Variants in USH2A observed in about 807,000 individuals in gnomAD.
USH2A encodes Usher syndrome 2A (autosomal recessive, mild).
Under a neutral mutation model 538.9 loss-of-function variants are expected in USH2A, and 443 were observed. That is an observed-to-expected ratio of 0.82 (90% CI 0.76 to 0.89). USH2A has a LOEUF of 0.89. USH2A is among the 40% of genes least tolerant of loss of function. The pLI, the probability that USH2A is intolerant of heterozygous loss-of-function variation, is 0.00. For missense variants in USH2A, 6,633 were observed against 6,324.8 expected, an observed-to-expected ratio of 1.05 and a Z score of -1.65; for synonymous variants, 2,413 against 2,273.5, an observed-to-expected ratio of 1.06 and a Z score of -1.75.
chr1:216,207,390 A>C lies in USH2A; in HGVS notation c.3199T>G (p.Ser1067Ala), dbSNP rs751942297. 6.2e-7 allele frequency: 1 copy of C among 1,614,042 alleles called. No individual in the cohort carries two copies. Among genetic ancestry groups the C allele is most frequent in the East Asian group, 2.2e-5 (1 of 44,816 alleles). The change falls in exon 16 of 72, where the codon TCT becomes GCT. Residue 1067 changes from serine to alanine, a missense_variant. By Grantham distance (99) the Ser-to-Ala change is moderately conservative. Coordinates refer to ENST00000307340, the MANE Select transcript of USH2A (RefSeq NM_206933.4). The part of the protein sequence containing the change: ...QPPPRGQVQS[S>A]SAINLSWSPP... ...CTCCAGGAGAGATTGATAGCAGAAG[A>C]ACTTTGAACTTGTCCTCTGGGCGGA...
intron 51 of USH2A, 86 bp downstream of exon 51, chr1:215,789,973 T>C (rs1045536551): frequency 9.0e-6 from 12 of 1,329,768 alleles, no homozygotes; most frequent in Admixed American, 3.8e-5. Context: ...AGTTTTTATA[T>C]TCCTATTTTA....
chr1:216,196,025 A>G (rs1166919560), intron 19 of USH2A: 1 of 171,864 alleles, frequency 5.8e-6, no homozygotes, highest in East Asian at 1.8e-4. Context: ...ATGAATTACT[A>G]GAAGGCAATA....
chr1:216,344,375 CAAACAAG>C (rs2038134713), intron 4 of USH2A, among the ~76,000 whole-genome samples: 1 of 152,054 alleles, frequency 6.6e-6, no homozygotes, highest in Admixed American at 6.6e-5. Flanking sequence ...CTTGAAGTTG[CAAACAAG>C]AAGCCACCAC....
At chr1:216,208,619 T>C (rs1338709811) in intron 15 of USH2A, among the ~76,000 whole-genome samples, 1 of 152,190 alleles carries the variant, frequency 6.6e-6, no homozygotes, top group Non-Finnish European at 1.5e-5. Flanking sequence ...TTGCTATTTA[T>C]GTCAGGGTTT....
At chr1:216,219,336 G>A (rs937767272) in intron 14 of USH2A, among the ~76,000 whole-genome samples, 2 of 152,132 alleles carry the variant, frequency 1.3e-5, no homozygotes, top group South Asian at 2.1e-4. Flanking sequence ...GTTCACAAGC[G>A]AAGACTTTTC....
At chr1:215,818,386 G>T (rs967886368) in intron 47 of USH2A, among the ~76,000 whole-genome samples, 1 of 151,174 alleles carries the variant, frequency 6.6e-6, no homozygotes, top group African/African-American at 2.4e-5. Flanking sequence ...TTAATTTTTT[G>T]ACTCATCTAA....
At chr1:216,265,603 C>T (rs1404001031) in intron 11 of USH2A, among the ~76,000 whole-genome samples, 2 of 150,074 alleles carry the variant, frequency 1.3e-5, no homozygotes, top group African/African-American at 4.9e-5. Flanking sequence ...AACCTAAGTG[C>T]TCATTAGCAA....
At chr1:215,918,997 C>T (rs371642584) in intron 38 of USH2A, among the ~76,000 whole-genome samples, 53 of 151,982 alleles carry the variant, frequency 3.5e-4, no homozygotes, top group East Asian at 3.1e-3. Context: ...ATATTAATAA[C>T]GCTTCTTTTA....
In USH2A at chr1:215,804,587, C is replaced by A. The variant is rs547727026; in HGVS notation, c.9740-5462G>T. 3.0e-4 allele frequency among the ~76,000 whole-genome samples: 44 copies of A among 147,834 alleles called. 5 individuals carry two copies. The East Asian group carries it at 8.4e-3, about 28-fold the overall frequency. ...TGCAAGTCAAAACCACAATGAGATA[C>A]TATCTCACACCAGTTAGAATGGCGA... is the stretch of plus-strand genomic sequence containing the variant. On this transcript the variant is annotated intron_variant, in intron 49 of 71. Coordinates refer to ENST00000307340, the MANE Select transcript of USH2A (RefSeq NM_206933.4).
At chr1:215,915,149 G>C (rs534914751) in intron 38 of USH2A, among the ~76,000 whole-genome samples, 11 of 152,190 alleles carry the variant, frequency 7.2e-5, no homozygotes, top group East Asian at 5.8e-4. Flanking sequence ...ACTTGCACAA[G>C]ACCACACAAG....
intron 10 of USH2A, among the ~76,000 whole-genome samples, chr1:216,290,286 A>G (rs2036976677): frequency 6.6e-6 from 1 of 152,178 alleles, no homozygotes; most frequent in African/African-American, 2.4e-5. Context: ...TCATATTCTG[A>G]TAGATATTGG....
intron 11 of USH2A, among the ~76,000 whole-genome samples, chr1:216,270,070 T>C (rs1390890161): frequency 6.6e-6 from 1 of 152,124 alleles, no homozygotes; most frequent in Non-Finnish European, 1.5e-5. Flanking sequence ...ATGAACACAG[T>C]TTTTATCAGT....
chr1:216,265,481 A>C (rs1284778931), intron 11 of USH2A, among the ~76,000 whole-genome samples: 1 of 152,084 alleles, frequency 6.6e-6, no homozygotes, highest in Non-Finnish European at 1.5e-5. Flanking sequence ...ATGATTCAGC[A>C]ATCCCACTAC....
intron 44 of USH2A, among the ~76,000 whole-genome samples, chr1:215,854,371 T>C (rs1331594311): frequency 1.3e-5 from 2 of 152,012 alleles, no homozygotes; most frequent in Non-Finnish European, 2.9e-5. Context: ...CAGGATGAGA[T>C]TTGGGTGGGG....
intron 32 of USH2A, among the ~76,000 whole-genome samples, chr1:216,019,992 C>T (rs752568807): frequency 2.0e-5 from 3 of 152,092 alleles, no homozygotes; most frequent in Admixed American, 1.3e-4. Flanking sequence ...TAGTATTTGG[C>T]CCATTATAAG....
At chr1:215,953,906 T>C (rs1349520290) in intron 37 of USH2A, among the ~76,000 whole-genome samples, 2 of 152,034 alleles carry the variant, frequency 1.3e-5, no homozygotes, top group Non-Finnish European at 2.9e-5. Flanking sequence ...GGGCAAAGGA[T>C]ATGAACAGAC....
intron 21 of USH2A, among the ~76,000 whole-genome samples, chr1:216,166,016 C>T (rs187919784): frequency 5.3e-5 from 8 of 152,054 alleles, no homozygotes; most frequent in Non-Finnish European, 1.2e-4. Context: ...TATGCCTTTG[C>T]GTCCTCATAG....
intron 43 of USH2A, among the ~76,000 whole-genome samples, chr1:215,870,395 C>T (rs145304150): frequency 0.023 from 3,445 of 151,136 alleles, 61 homozygotes; most frequent in Non-Finnish European, 0.037. Flanking sequence ...CCCGGGTTCA[C>T]GCCATTCTCC....
At chr1:215,981,005 A>G (rs1356293116) in intron 35 of USH2A, among the ~76,000 whole-genome samples, 1 of 152,146 alleles carries the variant, frequency 6.6e-6, no homozygotes, top group African/African-American at 2.4e-5. Flanking sequence ...TTTACTAGAC[A>G]ATGCTCATCT....
Sources: allele counts gnomAD v4.1 joint callset (sites outside exome capture counted in the v4.1 genomes callset), GRCh38; gene constraint gnomAD v4.1.1; transcripts MANE v1.5; gene names NCBI Gene and HGNC (gene_info 2026-07-23, HGNC 2026-07-21).